Variants in DENND4C observed in about 807,000 individuals in gnomAD.
DENND4C encodes the protein DENN domain-containing protein 4C.
In DENND4C, 108 loss-of-function variants were observed where a neutral mutation model predicts 203.0. The ratio of observed to expected loss-of-function variants is 0.53; its 90% confidence interval spans 0.46 to 0.62. The LOEUF (loss-of-function observed/expected upper bound fraction) is 0.62. Among genes scored for constraint, DENND4C ranks in the 20% least tolerant of loss-of-function variants. The probability of loss-of-function intolerance (pLI) is 0.00; values close to 1 mark genes in which losing one functional copy is unlikely to be tolerated. For synonymous variants in DENND4C, 871 were observed against 792.4 expected, an observed-to-expected ratio of 1.10 and a Z score of -1.67; for missense variants, 2,481 against 2,301.2, an observed-to-expected ratio of 1.08 and a Z score of -1.60.
At chr9:19,299,130 C>T (rs1838041087) in intron 7 of DENND4C, 99 bp from the exon 8 acceptor site, 4 of 817,708 alleles carry the variant, frequency 4.9e-6, no homozygotes, top group South Asian at 2.0e-5. Context: ...TCAATATTAC[C>T]TTTGATCTAA....
At position 19,374,233 on chromosome 9, in the gene DENND4C, T is replaced by A. The variant is rs1331327866; in HGVS notation, c.*2060T>A. ...AACTTGAACTCAAGTTTTCACTTAC[T>A]GACGCGCTTCCCATTAAAAAAAATC... On this transcript the variant is annotated 3_prime_UTR_variant, in exon 33 of 33. Transcript: ENST00000434457. Among the ~76,000 whole-genome samples the A allele has an allele frequency of 6.6e-6, 1 of 152,214 alleles. No homozygotes were observed. Among genetic ancestry groups the A allele is most frequent in the East Asian group, 1.9e-4 (1 of 5,200 alleles).
chr9:19,279,582 C>G (rs567656505), intron 2 of DENND4C, among the ~76,000 whole-genome samples: 1 of 151,474 alleles, frequency 6.6e-6, no homozygotes, highest in Admixed American at 6.6e-5. Flanking sequence ...GAGGCTGAGG[C>G]AGGAGAATCA....
chr9:19,341,311 C>CTTT (rs5896841), intron 21 of DENND4C, among the ~76,000 whole-genome samples, 197 bp downstream of exon 21: 18 of 120,110 alleles, frequency 1.5e-4, no homozygotes, highest in Non-Finnish European at 2.2e-4. Context: ...TTCTTTCTTT[C>CTTT]TTTTTTTTTT....
intron 1 of DENND4C, among the ~76,000 whole-genome samples, chr9:19,244,619 A>G (rs1057239404): frequency 6.6e-6 from 1 of 151,802 alleles, no homozygotes; most frequent in Non-Finnish European, 1.5e-5. Context: ...ACGTGACTGT[A>G]GTCTCAGCTA....
intron 17 of DENND4C, among the ~76,000 whole-genome samples, chr9:19,333,372 C>T (rs1011345014): frequency 2.0e-5 from 3 of 152,050 alleles, no homozygotes; most frequent in African/African-American, 7.3e-5. Flanking sequence ...TTGAACTTCT[C>T]AACTTTGGCA....
chr9:19,245,250 C>T (rs1824864471), intron 1 of DENND4C, among the ~76,000 whole-genome samples: 1 of 151,136 alleles, frequency 6.6e-6, no homozygotes, highest in South Asian at 2.1e-4. Flanking sequence ...GGGCAGATCA[C>T]GAGGTCAGGA....
chr9:19,254,864 G>T (rs1293536513), intron 1 of DENND4C, among the ~76,000 whole-genome samples: 1 of 152,154 alleles, frequency 6.6e-6, no homozygotes, highest in Non-Finnish European at 1.5e-5. Flanking sequence ...GGGTGTGGGG[G>T]CTCGTGCCTG....
At chr9:19,300,584 CA>C (rs1174499806) in intron 9 of DENND4C, among the ~76,000 whole-genome samples, 7 of 152,012 alleles carry the variant, frequency 4.6e-5, no homozygotes, top group Non-Finnish European at 1.0e-4. Flanking sequence ...GAGTTCTTCC[CA>C]GAGTAAAAAC....
intron 1 of DENND4C, among the ~76,000 whole-genome samples, chr9:19,246,158 A>G (rs1046479871): frequency 1.3e-5 from 2 of 152,172 alleles, no homozygotes; most frequent in Non-Finnish European, 2.9e-5. Flanking sequence ...TGTGGTGTTG[A>G]GTGATAAAAC....
At chr9:19,276,534 C>G (rs1268575467) in intron 2 of DENND4C, 55 bp downstream of exon 2, 10 of 1,050,264 alleles carry the variant, frequency 9.5e-6, no homozygotes, top group Non-Finnish European at 1.2e-5. Flanking sequence ...ATTTAAGGGC[C>G]ATGGAAGTAG....
chr9:19,326,174 G>T lies in DENND4C; in HGVS notation c.2100G>T (p.Lys700Asn), dbSNP rs115618441. ...MPPEPPPDDGKDLSPKYSYKY... is the reference protein window; with the variant it reads ...MPPEPPPDDGNDLSPKYSYKY... ...CAGAGCCACCTCCTGATGATGGAAAGGACCTGTCACCAAAGTACAGGTAGT... is the reference window on the plus strand; with the variant it reads ...CAGAGCCACCTCCTGATGATGGAAATGACCTGTCACCAAAGTACAGGTAGT... The change falls in exon 15 of 33, where the codon AAG becomes AAT. Residue 700 changes from lysine to asparagine, a missense_variant. Physicochemically the swap from Lys to Asn is moderately conservative, Grantham distance 94 (BLOSUM62 0). This residue lies in a region of DENND4C where 2,289 missense variants were observed against 2,113.3 expected (regional missense o/e 1.08). Transcript: ENST00000434457. The T allele has an allele frequency of 1.7e-5, 27 of 1,612,250 alleles. No individual in the cohort carries two copies. The highest frequency in any genetic ancestry group is 2.2e-5 in the Non-Finnish European group (26 of 1,179,462).
chr9:19,324,538 A>G (rs1482658007), intron 13 of DENND4C, 31 bp downstream of exon 13: 4 of 1,579,582 alleles, frequency 2.5e-6, no homozygotes, highest in African/African-American at 2.8e-5. Context: ...TAGTGTTTAG[A>G]AAAAAAAGTT....
chr9:19,277,203 G>T (rs1343821095), intron 2 of DENND4C, among the ~76,000 whole-genome samples: 1 of 151,992 alleles, frequency 6.6e-6, no homozygotes, highest in Non-Finnish European at 1.5e-5. Flanking sequence ...AGTATTTTAG[G>T]ATCAGCTTAT....
chr9:19,370,396 G>T (rs1828579343), intron 31 of DENND4C, among the ~76,000 whole-genome samples: 1 of 151,790 alleles, frequency 6.6e-6, no homozygotes, highest in Non-Finnish European at 1.5e-5. Context: ...CCAGGTTACA[G>T]TCAGCTGTGA....
intron 6 of DENND4C, 61 bp downstream of exon 6, chr9:19,296,307 G>T (rs377535488): frequency 2.2e-5 from 24 of 1,082,430 alleles, no homozygotes; most frequent in South Asian, 1.2e-4. Context: ...ATATACATTT[G>T]TTTGTGTAAT....
chr9:19,276,267 T>A lies in DENND4C; in HGVS notation c.93T>A (p.Arg31=), dbSNP rs1832889491. Residue 31 remains arginine (R), a synonymous_variant, in exon 2 of 33, where the codon CGT becomes CGA. Transcript: ENST00000434457. ...CTCTTTTGGATCAAGAAATAAATCG[T>A]TTAGATACTAAGTCAACTGGACCTA... is the stretch of plus-strand genomic sequence containing the variant. ...TSTLLDQEIN[R]LDTKSTGPKA... The A allele has an allele frequency of 8.1e-7, 1 of 1,232,056 alleles. No homozygotes were observed. Among genetic ancestry groups the A allele is most frequent in the East Asian group, 3.2e-5 (1 of 31,700 alleles). 76.3% of individuals were successfully genotyped at this position (1,232,056 alleles called of 1,614,324 possible). A position where few individuals can be genotyped will look rare whatever the true frequency, so the allele number is the denominator to read the frequency against.
chr9:19,278,342 T>G (rs1833329262), intron 2 of DENND4C, among the ~76,000 whole-genome samples: 1 of 152,126 alleles, frequency 6.6e-6, no homozygotes, highest in Non-Finnish European at 1.5e-5. Context: ...TTTCACCATA[T>G]TGGCAAAGCT....
intron 1 of DENND4C, among the ~76,000 whole-genome samples, chr9:19,241,659 A>G (rs1345899129): frequency 2.6e-5 from 4 of 152,036 alleles, no homozygotes; most frequent in African/African-American, 7.2e-5. Context: ...TTCAGGGGCA[A>G]TACTCACGTG....
chr9:19,306,824 C>T (rs1839775688), intron 10 of DENND4C, among the ~76,000 whole-genome samples: 1 of 151,542 alleles, frequency 6.6e-6, no homozygotes, highest in South Asian at 2.1e-4. Flanking sequence ...GTTGCCCAGG[C>T]AACAGAGTTG....
Sources: gnomAD v4.1 joint callset for allele counts (sites outside exome capture counted in the v4.1 genomes callset) on GRCh38, gnomAD v4.1.1 for gene constraint, gnomAD v4.1.1 regional missense constraint, MANE v1.5 for transcripts, NCBI Gene and HGNC (gene_info 2026-07-23, HGNC 2026-07-21) for gene names.